Variants in KCTD13 observed in about 807,000 individuals in gnomAD.
KCTD13 encodes potassium channel tetramerization domain containing 13.
KCTD13 carries 15 observed loss-of-function variants against 32.3 expected under a neutral mutation model. The observed-to-expected ratio is 0.46, with a 90% CI of 0.31 to 0.71. The LOEUF is 0.71. KCTD13 is among the 30% of genes least tolerant of loss of function. The probability of loss-of-function intolerance (pLI) is 0.05; values close to 1 mark genes in which losing one functional copy is unlikely to be tolerated. For missense variants in KCTD13, 337 were observed against 452.6 expected (o/e 0.74, Z 2.32); for synonymous variants, 189 against 200.1 (o/e 0.94, Z 0.47).
In KCTD13 at chr16:29,906,862, G is replaced by A. The variant is rs2068621885; in HGVS notation, c.*10C>T. 1.2e-6 allele frequency: 2 copies of A among 1,608,898 alleles called. No individual in the cohort carries two copies. Among genetic ancestry groups the A allele is most frequent in the Non-Finnish European group, 1.7e-6 (2 of 1,175,492 alleles). On this transcript the variant is annotated 3_prime_UTR_variant, in exon 6 of 6. Transcript: ENST00000568000. ...CCAAGGCAAGAGGAAGGCAGGGGGA[G>A]GGTCAGAGGTCAGTCCTTGAAGACA...
intron 2 of KCTD13, 29 bp downstream of exon 2, chr16:29,923,161 A>G: frequency 6.2e-7 from 1 of 1,611,138 alleles, no homozygotes; most frequent in African/African-American, 1.3e-5. Flanking sequence ...TCCCAGGAAC[A>G]TAGGCATGGG....
chr16:29,923,368 G>A lies in KCTD13; in HGVS notation c.245-9C>T, dbSNP rs750723202. The A allele has an allele frequency of 1.2e-5, 19 of 1,611,414 alleles. No homozygotes were observed. The highest frequency in any genetic ancestry group is 2.2e-5 in the East Asian group (1 of 44,822). Reference sequence around the variant, plus strand: ...GTCAATCAGCACCCAACCTAGTGGGGTGGGGAGAGGCAGGGGGAAAGATGG... The same window carrying A: ...GTCAATCAGCACCCAACCTAGTGGGATGGGGAGAGGCAGGGGGAAAGATGG... On this transcript the variant is annotated splice_polypyrimidine_tract_variant and intron_variant, in intron 1 of 5. Coordinates refer to ENST00000568000, the MANE Select transcript of KCTD13 (RefSeq NM_178863.5).
chr16:29,908,942 C>G (rs1415025634), intron 5 of KCTD13, among the ~76,000 whole-genome samples: 2 of 152,004 alleles, frequency 1.3e-5, no homozygotes, highest in Non-Finnish European at 2.9e-5. Context: ...GGTCCCCTGC[C>G]TCAGCCTCCT....
chr16:29,909,094 T>G (rs1364536969), intron 5 of KCTD13, among the ~76,000 whole-genome samples: 1 of 152,106 alleles, frequency 6.6e-6, no homozygotes, highest in African/African-American at 2.4e-5. Flanking sequence ...TAGCTTCCAC[T>G]GTGTGAAAAG....
chr16:29,912,038 C>A lies in KCTD13; in HGVS notation c.426G>T (p.Glu142Asp). The change falls in exon 3 of 6, where the codon GAG becomes GAT. Residue 142 changes from glutamate (E) to aspartate (D), a missense_variant. Glu to Asp is a conservative substitution (Grantham distance 45). Coordinates refer to ENST00000568000, the MANE Select transcript of KCTD13 (RefSeq NM_178863.5). ...GGATGAGGCACAGCGGGGACAGCGT[C>A]TCCCTTTTTTGCTGGGGAAGAAGCG... ...DCQLALQQKR[E>D]TLSPLCLIPM... 1 of 1,606,522 alleles carries A rather than the reference C, an allele frequency of 6.2e-7. No individual in the cohort carries two copies. The highest frequency in any genetic ancestry group is 8.5e-7 in the Non-Finnish European group (1 of 1,176,512).
chr16:29,906,505 G>A lies in KCTD13; in HGVS notation c.*367C>T, dbSNP rs1018786184. 7 of 475,332 alleles carry A rather than the reference G, an allele frequency of 1.5e-5. No homozygotes were observed. The highest frequency in any genetic ancestry group is 6.4e-5 in the East Asian group (1 of 15,684). The allele number at this position is 475,332 out of a possible 1,614,324, so 29.4% of individuals were successfully genotyped here. On this transcript the variant is annotated 3_prime_UTR_variant, in exon 6 of 6. Coordinates refer to ENST00000568000, the MANE Select transcript of KCTD13 (RefSeq NM_178863.5). ...GGGGGCGGACTACCCTGCAGGACGC[G>A]GGAGGCTGCTCAGACTGTGGTGATG... is the stretch of plus-strand genomic sequence containing the variant.
chr16:29,916,447 T>G (rs1165405140), intron 2 of KCTD13, among the ~76,000 whole-genome samples: 1 of 152,206 alleles, frequency 6.6e-6, no homozygotes, highest in Non-Finnish European at 1.5e-5. Flanking sequence ...CCTTCCAGCT[T>G]CTTCCCACTT....
rs553376532 is a variant in KCTD13 at position 29,913,531 on chromosome 16, C to T, written c.415-1482G>A. The T allele has an allele frequency of 2.0e-5, 3 of 152,322 alleles. No individual in the cohort carries two copies. In the South Asian group the frequency reaches 6.2e-4, roughly 32 times the overall value. 9.4% of individuals were successfully genotyped at this position (152,322 alleles called of 1,614,324 possible). On this transcript the variant is annotated intron_variant, in intron 2 of 5. Coordinates refer to ENST00000568000, the MANE Select transcript of KCTD13 (RefSeq NM_178863.5). ...CTTAAATTAACAATATTTATTACTT[C>T]TGTTTCTGAGGGTCAGGATCTCAGC...
chr16:29,907,111 G>A lies in KCTD13; in HGVS notation c.754-3C>T. The A allele has an allele frequency of 6.3e-7, 1 of 1,596,488 alleles. No homozygotes were observed. Among genetic ancestry groups the A allele is most frequent in the Non-Finnish European group, 8.6e-7 (1 of 1,167,292 alleles). On this transcript the variant is annotated splice_polypyrimidine_tract_variant and splice_region_variant and intron_variant, in intron 5 of 5. Coordinates refer to ENST00000568000, the MANE Select transcript of KCTD13 (RefSeq NM_178863.5). ...ATCCGGGCCTCTGGAAATTCCACCT[G>A]CAAAAGGCCAGCCGGCCCCAGCTCC... is the stretch of plus-strand genomic sequence containing the variant.
intron 2 of KCTD13, chr16:29,922,897 G>A: frequency 2.2e-6 from 1 of 453,724 alleles, no homozygotes. Context: ...GATCGGGGTT[G>A]TGCTGAAAGA....
At chr16:29,917,223 T>C (rs556998015) in intron 2 of KCTD13, among the ~76,000 whole-genome samples, 2 of 152,240 alleles carry the variant, frequency 1.3e-5, no homozygotes, top group East Asian at 3.9e-4. Flanking sequence ...CTCTGGACTG[T>C]TTAATACCTG....
chr16:29,920,851 T>G (rs139791865), intron 2 of KCTD13: 1 of 152,270 alleles, frequency 6.6e-6, no homozygotes, highest in African/African-American at 2.4e-5. Flanking sequence ...AAAACGCCGT[T>G]TGCAGGTGTC....
chr16:29,921,296 A>G (rs750066038), intron 2 of KCTD13: 3 of 152,146 alleles, frequency 2.0e-5, no homozygotes, highest in Non-Finnish European at 4.4e-5. Context: ...GAATGAAGGG[A>G]AAGAAATAAA....
chr16:29,911,665 A>G, intron 4 of KCTD13, 150 bp downstream of exon 4: 5 of 725,608 alleles, frequency 6.9e-6, no homozygotes, highest in South Asian at 1.7e-5. Flanking sequence ...ACCTGCCTAG[A>G]GCGTCAGGGG....
rs115298578 is a variant in KCTD13 at position 29,911,806 on chromosome 16, G to A, written c.557+9C>T. On this transcript the variant is annotated intron_variant, in intron 4 of 5. Coordinates refer to ENST00000568000, the MANE Select transcript of KCTD13 (RefSeq NM_178863.5). ...GGTCCCGCCCAGTGCCCCGCACCCC[G>A]GCGGTCACCTGGTGTAGGAGTACTT... 2.4e-4 allele frequency: 394 copies of A among 1,612,326 alleles called. 1 individual carries two copies. In the African/African-American group the frequency reaches 4.4e-3, roughly 18 times the overall value.
At chr16:29,914,483 T>C (rs2068774569) in intron 2 of KCTD13, 1 of 149,936 alleles carries the variant, frequency 6.7e-6, no homozygotes, top group Non-Finnish European at 1.5e-5. Flanking sequence ...TCTCCCAAGC[T>C]GAAGTGCAGA....
chr16:29,911,225 G>A (rs1487917062), intron 4 of KCTD13, 52 bp from the exon 5 acceptor site: 2 of 1,428,094 alleles, frequency 1.4e-6, no homozygotes, highest in East Asian at 4.6e-5. Flanking sequence ...CCCTCCCTCT[G>A]TACCCCCAGA....
rs957882332 is a variant in KCTD13, at chr16:29,924,031, G to A, written c.245-672C>T. Among the ~76,000 whole-genome samples, 14 of 151,254 alleles carry A rather than the reference G, an allele frequency of 9.3e-5. No homozygotes were observed. In the East Asian group the frequency reaches 2.0e-3, roughly 21 times the overall value. On this transcript the variant is annotated intron_variant, in intron 1 of 5. Coordinates refer to ENST00000568000, the MANE Select transcript of KCTD13 (RefSeq NM_178863.5). ...CTTTACTAAAAACACAAAATTAGCC[G>A]GGCATGGTGGCGCATGCCTGTAATC...
intron 5 of KCTD13, among the ~76,000 whole-genome samples, chr16:29,909,226 A>G (rs1003052387): frequency 6.6e-6 from 1 of 152,134 alleles, no homozygotes; most frequent in East Asian, 1.9e-4. Flanking sequence ...GTCTTTAGCT[A>G]TGAAGGGAGT....
Sources: allele counts gnomAD v4.1 joint callset (sites outside exome capture counted in the v4.1 genomes callset), GRCh38; gene constraint gnomAD v4.1.1; transcripts MANE v1.5; gene names NCBI Gene and HGNC (gene_info 2026-07-23, HGNC 2026-07-21).